KDM4C: variants seen among roughly 807,000 people sequenced by gnomAD.
KDM4C encodes lysine demethylase 4C.
A neutral mutation model predicts 129.3 loss-of-function variants in KDM4C; 81 were observed. That is an observed-to-expected ratio of 0.63 (90% CI 0.52 to 0.75). The LOEUF (loss-of-function observed/expected upper bound fraction) is 0.75, where lower values mean the gene tolerates loss of function less well. Ranked by LOEUF, KDM4C falls within the 30% of genes least tolerant of loss-of-function variation. The pLI is 0.00. For missense variants in KDM4C, 1,457 were observed against 1,304.0 expected, an observed-to-expected ratio of 1.12 and a Z score of -1.81; for synonymous variants, 573 against 456.1, an observed-to-expected ratio of 1.26 and a Z score of -3.26.
rs535694349 is a variant in KDM4C at position 6,780,612 on chromosome 9, C to G, written c.-17-12360C>G. 5.3e-5 allele frequency among the ~76,000 whole-genome samples: 8 copies of G among 151,530 alleles called. No homozygotes were observed. In the South Asian group the frequency reaches 1.7e-3, roughly 32 times the overall value. The stretch of plus-strand genomic sequence containing the variant: ...CAAAACCTTGTCTCTACAAAAAATA[C>G]GAAAATTAGCCGGGTGTGATACTGT... On this transcript the variant is annotated intron_variant, in intron 1 of 21. Coordinates refer to ENST00000381309, the MANE Select transcript of KDM4C (RefSeq NM_015061.6).
chr9:7,174,354 A>G lies in KDM4C; in HGVS notation c.2995-199A>G, dbSNP rs1845249621. On this transcript the variant is annotated intron_variant, in intron 21 of 21. Coordinates refer to ENST00000381309, the MANE Select transcript of KDM4C (RefSeq NM_015061.6). ...GTTGGAGGGTGGGGAGATCCTGGAG[A>G]AAGTAGGGCTAAATGGAGCCCCCCA... 3.9e-5 allele frequency among the ~76,000 whole-genome samples: 6 copies of G among 152,104 alleles called. No homozygotes were observed. The South Asian group carries it at 1.2e-3, about 32-fold the overall frequency.
At chr9:7,169,985 T>C (rs1844796260) in intron 21 of KDM4C, 95 bp downstream of exon 21, 1 of 1,581,040 alleles carries the variant, frequency 6.3e-7, no homozygotes, top group Non-Finnish European at 8.6e-7. Context: ...TACTTGGGCT[T>C]TTGGATTAAT....
At chr9:6,760,596 A>C (rs781189185) in intron 1 of KDM4C, among the ~76,000 whole-genome samples, 1 of 150,826 alleles carries the variant, frequency 6.6e-6, no homozygotes, top group Non-Finnish European at 1.5e-5. Context: ...TTTGAGACGA[A>C]GTCTCACTCT....
At chr9:6,984,824 T>C (rs1293865504) in intron 10 of KDM4C, among the ~76,000 whole-genome samples, 3 of 131,446 alleles carry the variant, frequency 2.3e-5, no homozygotes, top group Non-Finnish European at 5.1e-5. Context: ...AGAACAACAA[T>C]AATGAAAAGT....
intron 8 of KDM4C, chr9:6,924,810 G>C (rs1348253280): frequency 1.0e-6 from 1 of 979,136 alleles, no homozygotes; most frequent in Admixed American, 6.2e-5. Flanking sequence ...TTTGGTTTCT[G>C]CATTCCACTT....
At chr9:6,825,598 T>C (rs1222471411) in intron 4 of KDM4C, among the ~76,000 whole-genome samples, 1 of 152,228 alleles carries the variant, frequency 6.6e-6, no homozygotes, top group African/African-American at 2.4e-5. Context: ...TTTTGTCTTA[T>C]AAACCAGGCA....
At chr9:7,145,439 G>A (rs1842131277) in intron 19 of KDM4C, among the ~76,000 whole-genome samples, 2 of 152,098 alleles carry the variant, frequency 1.3e-5, no homozygotes, top group South Asian at 2.1e-4. Flanking sequence ...GATGGGGGGC[G>A]CACTCCCCTC....
chr9:6,765,543 G>A (rs115591374), intron 1 of KDM4C, among the ~76,000 whole-genome samples: 1,543 of 152,230 alleles, frequency 0.01, 30 homozygotes, highest in African/African-American at 0.035. Flanking sequence ...CAGAGACCAA[G>A]TATTTTTATT....
chr9:7,028,296 C>G (rs147143366), intron 15 of KDM4C, among the ~76,000 whole-genome samples: 1 of 151,914 alleles, frequency 6.6e-6, no homozygotes, highest in East Asian at 2.0e-4. Flanking sequence ...GCTGTTTAGT[C>G]AGCAGATGAT....
At chr9:7,130,178 C>G (rs1017005730) in intron 19 of KDM4C, among the ~76,000 whole-genome samples, 9 of 152,176 alleles carry the variant, frequency 5.9e-5, no homozygotes, top group African/African-American at 1.4e-4. Context: ...GACAGAAGAC[C>G]TTTTGGTGAG....
intron 8 of KDM4C, among the ~76,000 whole-genome samples, chr9:6,937,625 A>T (rs534477013): frequency 6.6e-6 from 1 of 152,140 alleles, no homozygotes; most frequent in Admixed American, 6.5e-5. Flanking sequence ...CTTCACCACA[A>T]CACTAGCTAC....
intron 1 of KDM4C, among the ~76,000 whole-genome samples, chr9:6,792,373 T>A (rs963654104): frequency 2.0e-5 from 3 of 148,120 alleles, no homozygotes. Context: ...TTTTATTTAT[T>A]TATTTTTTGA....
intron 6 of KDM4C, among the ~76,000 whole-genome samples, 172 bp downstream of exon 6, chr9:6,880,233 AC>A (rs1844229315): frequency 6.6e-6 from 1 of 150,452 alleles, no homozygotes; most frequent in African/African-American, 2.5e-5. Context: ...AAATTTTTTC[AC>A]CTTAGTTTGT....
intron 8 of KDM4C, among the ~76,000 whole-genome samples, chr9:6,965,689 C>T (rs1830837308): frequency 6.6e-6 from 1 of 152,206 alleles, no homozygotes; most frequent in African/African-American, 2.4e-5. Flanking sequence ...CCAGTTCATG[C>T]AGTCAGACAA....
chr9:7,071,798 G>A (rs1317472140), intron 17 of KDM4C, among the ~76,000 whole-genome samples: 1 of 152,002 alleles, frequency 6.6e-6, no homozygotes, highest in Non-Finnish European at 1.5e-5. Flanking sequence ...ATACACTTCT[G>A]CTCTTTGAAA....
Position 7,004,500 on chromosome 9 carries a change from T to G in KDM4C, c.1787-7198T>G, listed in dbSNP as rs181822097. The stretch of plus-strand genomic sequence containing the variant: ...TTGATTATATTATATTCAACTAATA[T>G]GTTGTGTAATATATATAGTCATACT... On this transcript the variant is annotated intron_variant, in intron 12 of 21. Coordinates refer to ENST00000381309, the MANE Select transcript of KDM4C (RefSeq NM_015061.6). 5.0e-3 allele frequency among the ~76,000 whole-genome samples: 757 copies of G among 152,332 alleles called. 5 individuals are homozygous for G. The highest frequency in any genetic ancestry group is 0.017 in the African/African-American group (727 of 41,570).
chr9:6,941,335 G>A (rs1825898220), intron 8 of KDM4C, among the ~76,000 whole-genome samples: 1 of 152,028 alleles, frequency 6.6e-6, no homozygotes, highest in African/African-American at 2.4e-5. Context: ...ATGTCTTTTG[G>A]AAAATGTCTG....
At chr9:7,147,379 C>T (rs1048043141) in intron 19 of KDM4C, among the ~76,000 whole-genome samples, 4 of 152,142 alleles carry the variant, frequency 2.6e-5, no homozygotes, top group African/African-American at 9.7e-5. Context: ...CCCCTGCGTG[C>T]CTATCCTTAG....
chr9:6,810,829 C>T (rs749083173), intron 3 of KDM4C, among the ~76,000 whole-genome samples: 24 of 152,082 alleles, frequency 1.6e-4, no homozygotes, highest in Non-Finnish European at 2.9e-4. Flanking sequence ...TGTGATTGCA[C>T]CATTGCCCCC....
Sources: allele counts gnomAD v4.1 joint callset (sites outside exome capture counted in the v4.1 genomes callset), GRCh38; gene constraint gnomAD v4.1.1; transcripts MANE v1.5; gene names NCBI Gene and HGNC (gene_info 2026-07-23, HGNC 2026-07-21).